The following TFEC variants were observed in gnomAD, a reference collection of about 807,000 sequenced individuals.
The protein encoded by TFEC is transcription factor EC, also known as class E basic helix-loop-helix protein 34.
Under a neutral mutation model 41.6 loss-of-function variants are expected in TFEC, and 31 were observed. The observed-to-expected ratio is 0.74, with a 90% CI of 0.56 to 1.01. The LOEUF (loss-of-function observed/expected upper bound fraction) is 1.01, where lower values mean the gene tolerates loss of function less well. Among genes scored for constraint, TFEC ranks in the 50% least tolerant of loss-of-function variants. The pLI is 0.00. For missense variants in TFEC, 402 were observed against 404.1 expected, an observed-to-expected ratio of 0.99 and a Z score of 0.04; for synonymous variants, 143 against 140.6, an observed-to-expected ratio of 1.02 and a Z score of -0.12.
chr7:116,050,088 A>T (rs1035433423), intron 3 of TFEC, among the ~76,000 whole-genome samples: 5 of 152,224 alleles, frequency 3.3e-5, no homozygotes, highest in Admixed American at 6.5e-5. Flanking sequence ...GCAACAGCAA[A>T]CACATTCGAA....
At chr7:115,965,990 G>A (rs779577180) in intron 3 of TFEC, among the ~76,000 whole-genome samples, 1 of 150,884 alleles carries the variant, frequency 6.6e-6, no homozygotes, top group Non-Finnish European at 1.5e-5. Context: ...CCTAAATTAT[G>A]TTCCCCGCCA....
chr7:115,950,908 C>A lies in TFEC; in HGVS notation c.481G>T (p.Glu161Ter). The A allele has an allele frequency of 1.2e-6, 2 of 1,604,320 alleles. No homozygotes were observed. Among genetic ancestry groups the A allele is most frequent in the Non-Finnish European group, 1.7e-6 (2 of 1,174,398 alleles). The change falls in exon 6 of 8, where the codon GAG becomes TAG. Residue 161 changes from glutamate to a stop codon, truncating the protein, a stop_gained. Coordinates refer to ENST00000265440, the MANE Select transcript of TFEC (RefSeq NM_012252.4). LOFTEE classifies it high-confidence loss of function. ...GACTTTGGAATAAGAGTGCCAAGCT[C>A]CTTGATTCGGTAATTAATATTATAC... ...RRYNINYRIK[E>*]LGTLIPKSND...
At chr7:116,052,900 T>G (rs997073847) in intron 3 of TFEC, among the ~76,000 whole-genome samples, 15 of 151,500 alleles carry the variant, frequency 9.9e-5, no homozygotes, top group Admixed American at 4.6e-4. Flanking sequence ...AAACCCCGTC[T>G]CTACTAAAAA....
At chr7:115,984,132 A>G in intron 2 of TFEC, 130 bp downstream of exon 2, 3 of 1,154,030 alleles carry the variant, frequency 2.6e-6, no homozygotes, top group Non-Finnish European at 3.6e-6. Flanking sequence ...GAGAATAATT[A>G]ATTAAAAGCA....
intron 1 of TFEC, among the ~76,000 whole-genome samples, chr7:116,150,509 G>A (rs1346712974): frequency 6.6e-6 from 1 of 151,654 alleles, no homozygotes; most frequent in African/African-American, 2.4e-5. Flanking sequence ...TAATTCAATG[G>A]CATTAAAAAA....
chr7:115,967,640 T>G (rs1403084443), intron 3 of TFEC, among the ~76,000 whole-genome samples: 1 of 151,838 alleles, frequency 6.6e-6, no homozygotes, highest in Non-Finnish European at 1.5e-5. Flanking sequence ...TTATTGCTGT[T>G]ATTATTTTTG....
At chr7:115,964,573 A>G (rs571669834) in intron 3 of TFEC, among the ~76,000 whole-genome samples, 1 of 151,716 alleles carries the variant, frequency 6.6e-6, no homozygotes, top group East Asian at 1.9e-4. Context: ...AGAGAAAAAG[A>G]ATCTATGATC....
chr7:116,066,487 A>AT (rs1796697950), intron 3 of TFEC, among the ~76,000 whole-genome samples: 1 of 152,008 alleles, frequency 6.6e-6, no homozygotes, highest in African/African-American at 2.4e-5. Flanking sequence ...CAGGGGTTAT[A>AT]TATATATATA....
chr7:116,049,117 T>G (rs1287259131), intron 3 of TFEC, among the ~76,000 whole-genome samples: 1 of 152,130 alleles, frequency 6.6e-6, no homozygotes, highest in Non-Finnish European at 1.5e-5. Context: ...CAGGATCAAA[T>G]TCACACATAA....
At chr7:116,028,891 T>C (rs1795684321) in intron 1 of TFEC, among the ~76,000 whole-genome samples, 1 of 152,064 alleles carries the variant, frequency 6.6e-6, no homozygotes, top group African/African-American at 2.4e-5. Context: ...TTTCTGACTA[T>C]TCAAACCACT....
At chr7:116,134,693 T>C (rs1798401903) in intron 1 of TFEC, among the ~76,000 whole-genome samples, 1 of 152,164 alleles carries the variant, frequency 6.6e-6, no homozygotes, top group Admixed American at 6.5e-5. Flanking sequence ...GATAACTGCA[T>C]TAAGTATATG....
chr7:115,957,127 A>C (rs1049269496), intron 3 of TFEC, among the ~76,000 whole-genome samples: 1 of 151,974 alleles, frequency 6.6e-6, no homozygotes, highest in African/African-American at 2.4e-5. Context: ...GATGTAATTA[A>C]AAATATTATT....
rs1793191931 is a variant in TFEC, at chr7:115,935,615, T to C, written c.*4936A>G. On this transcript the variant is annotated 3_prime_UTR_variant, in exon 8 of 8. Transcript: ENST00000265440. ...TATATAATTCTTTCAGCAAAATCAG[T>C]CTCTTCTTTTATTTGTATATTTTGT... 2 of 151,680 alleles carry C rather than the reference T, an allele frequency of 1.3e-5. No homozygotes were observed. The highest frequency in any genetic ancestry group is 1.5e-5 in the Non-Finnish European group (1 of 67,664). The allele number at this position is 151,680 out of a possible 1,614,324, so 9.4% of individuals were successfully genotyped here.
chr7:116,077,912 C>T (rs1464870469), intron 3 of TFEC, among the ~76,000 whole-genome samples: 1 of 151,664 alleles, frequency 6.6e-6, no homozygotes, highest in African/African-American at 2.4e-5. Flanking sequence ...TAAACTATAC[C>T]CTACAACAAA....
intron 1 of TFEC, among the ~76,000 whole-genome samples, chr7:116,136,361 T>A (rs1562982745): frequency 6.6e-6 from 1 of 152,042 alleles, no homozygotes; most frequent in African/African-American, 2.4e-5. Context: ...CTAAAATTGA[T>A]TAAATTATAC....
intron 1 of TFEC, among the ~76,000 whole-genome samples, chr7:116,128,630 T>C (rs931439720): frequency 3.3e-5 from 5 of 152,196 alleles, no homozygotes; most frequent in African/African-American, 9.6e-5. Flanking sequence ...TCTGCACCTG[T>C]GCATGAATTA....
chr7:116,098,253 G>A (rs1292757901), intron 3 of TFEC, among the ~76,000 whole-genome samples: 2 of 151,764 alleles, frequency 1.3e-5, no homozygotes, highest in African/African-American at 2.4e-5. Context: ...TCCCTCTCCC[G>A]GGTGCAAGCG....
intron 3 of TFEC, among the ~76,000 whole-genome samples, chr7:116,043,377 T>G (rs1796086488): frequency 6.6e-6 from 1 of 152,078 alleles, no homozygotes; most frequent in African/African-American, 2.4e-5. Context: ...GACCAAAGTT[T>G]TTTAAACCTA....
intron 3 of TFEC, among the ~76,000 whole-genome samples, chr7:115,965,020 T>G (rs1481265328): frequency 1.3e-5 from 2 of 151,634 alleles, no homozygotes; most frequent in Non-Finnish European, 3.0e-5. Context: ...TGGTAACAAC[T>G]GTAGAAATGA....
Sources: gnomAD v4.1 joint callset for allele counts (sites outside exome capture counted in the v4.1 genomes callset) on GRCh38, gnomAD v4.1.1 for gene constraint, MANE v1.5 for transcripts, NCBI Gene and HGNC (gene_info 2026-07-23, HGNC 2026-07-21) for gene names.